Variants in GXYLT1 observed in about 807,000 individuals in gnomAD.
The protein encoded by GXYLT1 is glycosyltransferase 8 domain containing 3.
GXYLT1 carries 29 observed loss-of-function variants against 54.0 expected under a neutral mutation model. The observed-to-expected ratio is 0.54, with a 90% confidence interval of 0.40 to 0.73. The LOEUF (loss-of-function observed/expected upper bound fraction) is 0.73. Ranked by LOEUF, GXYLT1 falls within the 30% of genes least tolerant of loss-of-function variation. The pLI, the probability that GXYLT1 is intolerant of heterozygous loss-of-function variation, is 0.00. For synonymous variants in GXYLT1, 176 were observed against 204.1 expected (o/e 0.86, Z 1.17); for missense variants, 490 against 553.4 (o/e 0.89, Z 1.15).
At chr12:42,095,214 C>T (rs986853795) in intron 7 of GXYLT1, among the ~76,000 whole-genome samples, 2 of 151,996 alleles carry the variant, frequency 1.3e-5, no homozygotes, top group African/African-American at 4.8e-5. Context: ...ACAAACAATC[C>T]CTATGGAGGA....
chr12:42,110,820 T>C (rs914546356), intron 3 of GXYLT1, among the ~76,000 whole-genome samples: 7 of 152,240 alleles, frequency 4.6e-5, no homozygotes, highest in African/African-American at 1.7e-4. Context: ...TCTTAGTCAC[T>C]TTCATTTAAC....
At position 42,113,683 on chromosome 12, in the gene GXYLT1, G is replaced by A. The variant is rs1322762129; in HGVS notation, c.487-3992C>T. On this transcript the variant is annotated intron_variant, in intron 3 of 7. Transcript: ENST00000398675. ...CTTAGACTCCCACACAATAATGGGA[G>A]ACTTTAACACCCCACTGTCAACATT... is the stretch of plus-strand genomic sequence containing the variant. 1.6e-4 allele frequency among the ~76,000 whole-genome samples: 24 copies of A among 150,866 alleles called. 2 individuals are homozygous for A. The highest frequency in any genetic ancestry group is 6.0e-4 in the African/African-American group (24 of 40,204).
Position 42,144,759 on chromosome 12 carries a change from G to A in GXYLT1, c.-113C>T, listed in dbSNP as rs2065673180. On this transcript the variant is annotated 5_prime_UTR_variant, in exon 1 of 8. Transcript: ENST00000398675. Reference sequence around the variant, plus strand: ...CGCAACAAGTTCCTCACCCGCAGCCGCCGCCGCCGCCTTGCGCCCGCTCCC... The same window carrying A: ...CGCAACAAGTTCCTCACCCGCAGCCACCGCCGCCGCCTTGCGCCCGCTCCC... 4.3e-6 allele frequency: 3 copies of A among 704,982 alleles called. No individual in the cohort carries two copies. The highest frequency in any genetic ancestry group is 3.6e-5 in the South Asian group (1 of 27,580). 43.7% of individuals were successfully genotyped at this position (704,982 alleles called of 1,614,324 possible).
chr12:42,106,179 T>C (rs531505122), intron 4 of GXYLT1, 110 bp from the exon 5 acceptor site: 1 of 695,728 alleles, frequency 1.4e-6, no homozygotes, highest in African/African-American at 1.8e-5. Flanking sequence ...ATTTATATTA[T>C]TTTATTTTAA....
At position 42,111,291 on chromosome 12, in the gene GXYLT1, T is replaced by A. The variant is rs181775607; in HGVS notation, c.487-1600A>T. On this transcript the variant is annotated intron_variant, in intron 3 of 7. Coordinates refer to ENST00000398675, the MANE Select transcript of GXYLT1 (RefSeq NM_173601.2). ...GTGCCAGACAGTAGGTGCAGGACAG[T>A]GGCTGCAGCGCACCGTGCGCGAGCC... Among the ~76,000 whole-genome samples, 259 of 152,332 alleles carry A rather than the reference T, an allele frequency of 1.7e-3. 2 individuals are homozygous for A. The highest frequency in any genetic ancestry group is 5.7e-3 in the African/African-American group (236 of 41,586).
chr12:42,137,750 C>A (rs143535998), intron 1 of GXYLT1, among the ~76,000 whole-genome samples: 1 of 88,282 alleles, frequency 1.1e-5, no homozygotes. Context: ...GAGCGAGACT[C>A]CATCTCAAAT....
At chr12:42,105,548 A>G (rs762292433) in intron 5 of GXYLT1, among the ~76,000 whole-genome samples, 3 of 152,174 alleles carry the variant, frequency 2.0e-5, no homozygotes, top group Non-Finnish European at 4.4e-5. Context: ...TGGAATGGCA[A>G]TCTAGGGAGA....
chr12:42,123,568 T>G (rs1177905197), intron 2 of GXYLT1, among the ~76,000 whole-genome samples: 1 of 151,318 alleles, frequency 6.6e-6, no homozygotes, highest in Non-Finnish European at 1.5e-5. Context: ...AACTTCTAAG[T>G]CTTAAGAATT....
chr12:42,090,536 A>C (rs1354444711), intron 7 of GXYLT1, among the ~76,000 whole-genome samples: 1 of 152,250 alleles, frequency 6.6e-6, no homozygotes, highest in African/African-American at 2.4e-5. Flanking sequence ...CACAGGGCCC[A>C]GTACACTGAT....
At chr12:42,115,005 T>G (rs1046604794) in intron 3 of GXYLT1, among the ~76,000 whole-genome samples, 50 of 152,198 alleles carry the variant, frequency 3.3e-4, no homozygotes, top group African/African-American at 1.2e-3. Flanking sequence ...TAATCCAGCA[T>G]ATAAATAGAA....
intron 2 of GXYLT1, among the ~76,000 whole-genome samples, chr12:42,126,318 G>C (rs1356771354): frequency 7.2e-5 from 11 of 152,052 alleles, no homozygotes; most frequent in Admixed American, 5.9e-4. Flanking sequence ...CAGGCGATCG[G>C]CACGCCTTGG....
At chr12:42,136,414 A>G (rs1283966621) in intron 1 of GXYLT1, among the ~76,000 whole-genome samples, 1 of 152,232 alleles carries the variant, frequency 6.6e-6, no homozygotes, top group African/African-American at 2.4e-5. Flanking sequence ...CAAAGCATTA[A>G]TATGAGTTAG....
At chr12:42,091,103 C>A (rs762863324) in intron 7 of GXYLT1, among the ~76,000 whole-genome samples, 5 of 152,110 alleles carry the variant, frequency 3.3e-5, no homozygotes, top group Non-Finnish European at 5.9e-5. Flanking sequence ...GAATACAATT[C>A]TTTTAAAAAT....
chr12:42,089,721 T>C (rs901229992), intron 7 of GXYLT1, among the ~76,000 whole-genome samples: 1 of 152,120 alleles, frequency 6.6e-6, no homozygotes. Context: ...AACAACACCA[T>C]GCCAAGTCAG....
rs767373050 is a variant in GXYLT1, at chr12:42,144,623, C to A, written c.24G>T (p.Val8=). 1.0e-5 allele frequency: 15 copies of A among 1,472,046 alleles called. 1 individual carries two copies. In the South Asian group the frequency reaches 2.0e-4, roughly 19 times the overall value. The allele number at this position is 1,472,046 out of a possible 1,614,324, so 91.2% of individuals were successfully genotyped here. The change falls in exon 1 of 8, where the codon GTG becomes GTT. Residue 8 remains valine, a synonymous_variant. Coordinates refer to ENST00000398675, the MANE Select transcript of GXYLT1 (RefSeq NM_173601.2). ...AGAAGCCGCAGGCCACACACAGCAC[C>A]ACGACGCGCAGGTAGCGCCGCATCG... is the stretch of plus-strand genomic sequence containing the variant. MRRYLRV[V]VLCVACGFCS... is the part of the protein sequence containing the mutation.
chr12:42,111,543 G>C (rs1445503406), intron 3 of GXYLT1, among the ~76,000 whole-genome samples: 1 of 152,248 alleles, frequency 6.6e-6, no homozygotes, highest in African/African-American at 2.4e-5. Context: ...TAGCACAGCA[G>C]TCCGAGATCA....
At chr12:42,098,056 G>C (rs139495417) in intron 5 of GXYLT1, 23 bp from the exon 6 acceptor site, 2 of 1,604,804 alleles carry the variant, frequency 1.2e-6, no homozygotes, top group East Asian at 2.2e-5. Flanking sequence ...ACATTCAAAA[G>C]AGCTTCAGAC....
At chr12:42,107,559 C>T (rs1040423114) in intron 4 of GXYLT1, among the ~76,000 whole-genome samples, 2 of 152,048 alleles carry the variant, frequency 1.3e-5, no homozygotes, top group Non-Finnish European at 2.9e-5. Context: ...GGTGTGGTGG[C>T]GCATGCCTGT....
Position 42,087,882 on chromosome 12 carries a change from T to C in GXYLT1, c.1227A>G (p.Thr409=), listed in dbSNP as rs1331671202. Residue 409 remains threonine (T), a synonymous_variant, in exon 8 of 8, where the codon ACA becomes ACG. Coordinates refer to ENST00000398675, the MANE Select transcript of GXYLT1 (RefSeq NM_173601.2). ...LKPLELELQK[T]VHTYCGKIYK... ...AAATTTTTCCACAGTATGTATGCAC[T>C]GTTTTTTGTAGTTCCAGTTCTAAAG... 41 of 1,595,486 alleles carry C rather than the reference T, an allele frequency of 2.6e-5. No homozygotes were observed. The highest frequency in any genetic ancestry group is 3.3e-5 in the Non-Finnish European group (39 of 1,167,038).
Sources: gnomAD v4.1 joint callset for allele counts (sites outside exome capture counted in the v4.1 genomes callset) on GRCh38, gnomAD v4.1.1 for gene constraint, MANE v1.5 for transcripts, NCBI Gene and HGNC (gene_info 2026-07-23, HGNC 2026-07-21) for gene names.